LINGO2: variants seen among roughly 807,000 people sequenced by gnomAD.
LINGO2 encodes the protein leucine rich repeat and Ig domain containing 2, also known as leucine-rich repeat and immunoglobulin-like domain-containing nogo receptor-interacting protein 2.
Under a neutral mutation model 30.6 loss-of-function variants are expected in LINGO2, and 14 were observed. The observed-to-expected ratio is 0.46, with a 90% CI of 0.30 to 0.72. The LOEUF (loss-of-function observed/expected upper bound fraction) is 0.72. Among genes scored for constraint, LINGO2 ranks in the 30% least tolerant of loss-of-function variants. The probability of loss-of-function intolerance (pLI) is 0.07; values close to 1 mark genes in which losing one functional copy is unlikely to be tolerated. For missense variants in LINGO2, 729 were observed against 751.7 expected (o/e 0.97, Z 0.35); for synonymous variants, 317 against 288.5 (o/e 1.10, Z -1.00).
chr9:28,313,413 T>C (rs999915559), intron 3 of LINGO2, among the ~76,000 whole-genome samples: 1 of 152,200 alleles, frequency 6.6e-6, no homozygotes, highest in African/African-American at 2.4e-5. Flanking sequence ...AAGGACAGTA[T>C]ATAATATTTT....
At chr9:28,544,886 CG>C (rs1273706023) in intron 1 of LINGO2, among the ~76,000 whole-genome samples, 1 of 151,032 alleles carries the variant, frequency 6.6e-6, no homozygotes, top group Non-Finnish European at 1.5e-5. Flanking sequence ...GGAACTTAAA[CG>C]GTCATCTAAT....
At chr9:28,319,036 T>A (rs1255858577) in intron 3 of LINGO2, among the ~76,000 whole-genome samples, 1 of 152,138 alleles carries the variant, frequency 6.6e-6, no homozygotes, top group Non-Finnish European at 1.5e-5. Context: ...AGTTAATAGT[T>A]TAAAACTCTT....
intron 3 of LINGO2, among the ~76,000 whole-genome samples, chr9:28,306,477 G>C (rs1313210786): frequency 1.3e-5 from 2 of 152,036 alleles, no homozygotes; most frequent in Non-Finnish European, 2.9e-5. Context: ...GAGAAAGCAG[G>C]AAAGATCCAA....
chr9:28,530,557 A>C (rs1204274053), intron 1 of LINGO2, among the ~76,000 whole-genome samples: 1 of 152,180 alleles, frequency 6.6e-6, no homozygotes, highest in Non-Finnish European at 1.5e-5. Flanking sequence ...TTCAAAGTGC[A>C]CATCCAAGAA....
At chr9:28,668,602 G>A (rs967087862) in intron 1 of LINGO2, among the ~76,000 whole-genome samples, 1 of 151,508 alleles carries the variant, frequency 6.6e-6, no homozygotes, top group African/African-American at 2.4e-5. Flanking sequence ...AACAACTAGT[G>A]TCCATTGGGT....
chr9:27,989,629 T>G (rs1821297215), intron 5 of LINGO2, among the ~76,000 whole-genome samples: 1 of 151,940 alleles, frequency 6.6e-6, no homozygotes, highest in South Asian at 2.1e-4. Context: ...GAAACTGCAT[T>G]ATGATTATGC....
At chr9:28,330,010 T>C (rs1825364280) in intron 3 of LINGO2, among the ~76,000 whole-genome samples, 1 of 152,174 alleles carries the variant, frequency 6.6e-6, no homozygotes, top group Admixed American at 6.6e-5. Context: ...ATTGAAGCCA[T>C]AACCCCCAAT....
chr9:28,636,028 A>C lies in LINGO2; in HGVS notation c.-365+34172T>G, dbSNP rs564438153. On this transcript the variant is annotated intron_variant, in intron 1 of 5. Transcript: ENST00000379992. ...TGTGATGTTCCCCTTCCTGTGTCCA[A>C]GTGTTCTCATTGTTCACTTCCCACC... 1.5e-3 allele frequency among the ~76,000 whole-genome samples: 225 copies of C among 152,032 alleles called. 1 individual carries two copies. The highest frequency in any genetic ancestry group is 5.0e-3 in the African/African-American group (207 of 41,474).
chr9:29,206,687 G>A, the LINGO2 span, among the ~76,000 whole-genome samples: 1 of 152,058 alleles, frequency 6.6e-6, no homozygotes, highest in Non-Finnish European at 1.5e-5. Context: ...AGAATATCCT[G>A]AATGAGGTGA....
At chr9:28,237,337 A>T (rs962314411) in intron 4 of LINGO2, among the ~76,000 whole-genome samples, 1 of 152,104 alleles carries the variant, frequency 6.6e-6, no homozygotes, top group Non-Finnish European at 1.5e-5. Flanking sequence ...ACCAGAGAAA[A>T]ATCACATTTA....
chr9:28,910,649 T>C, the LINGO2 span, among the ~76,000 whole-genome samples: 2 of 152,078 alleles, frequency 1.3e-5, no homozygotes, highest in African/African-American at 4.8e-5. Context: ...GCCAGCCATG[T>C]GAAGATGTGC....
the LINGO2 span, among the ~76,000 whole-genome samples, chr9:28,790,332 T>C: frequency 1.7e-5 from 2 of 120,184 alleles, no homozygotes; most frequent in African/African-American, 3.5e-5. Flanking sequence ...TTTCTTTTTT[T>C]TTTTTTTTTT....
the LINGO2 span, among the ~76,000 whole-genome samples, chr9:28,848,754 G>A: frequency 3.3e-5 from 5 of 151,692 alleles, no homozygotes; most frequent in African/African-American, 1.2e-4. Flanking sequence ...TGGGCATGTG[G>A]AAAACATTTT....
intron 1 of LINGO2, among the ~76,000 whole-genome samples, chr9:28,506,505 C>CATATATATATATATATAT (rs773033942): frequency 5.9e-5 from 5 of 84,410 alleles, no homozygotes; most frequent in African/African-American, 2.2e-4. Context: ...CACACACAGA[C>CATATATATATATATATAT]ATATATATAT....
chr9:29,188,721 T>C, the LINGO2 span, among the ~76,000 whole-genome samples: 3 of 120,100 alleles, frequency 2.5e-5, no homozygotes, highest in Non-Finnish European at 5.0e-5. Flanking sequence ...CCCACCTCCC[T>C]CTCGGATGGG....
At chr9:28,287,592 C>T (rs910603903) in intron 4 of LINGO2, among the ~76,000 whole-genome samples, 4 of 152,162 alleles carry the variant, frequency 2.6e-5, no homozygotes, top group South Asian at 2.1e-4. Flanking sequence ...GCCTGCAGTG[C>T]ATGCCGTGTT....
the LINGO2 span, among the ~76,000 whole-genome samples, chr9:28,931,908 G>T: frequency 6.6e-6 from 1 of 151,426 alleles, no homozygotes; most frequent in Admixed American, 6.6e-5. Context: ...AGGAGTTCGA[G>T]ATCAGCCTGG....
intron 1 of LINGO2, among the ~76,000 whole-genome samples, chr9:28,546,907 C>T (rs962666775): frequency 1.4e-4 from 21 of 151,950 alleles, no homozygotes; most frequent in African/African-American, 3.9e-4. Flanking sequence ...TCTCTGTGAC[C>T]GAACTCTCAA....
intron 1 of LINGO2, among the ~76,000 whole-genome samples, chr9:28,596,283 T>C (rs555161397): frequency 5.3e-5 from 8 of 152,232 alleles, no homozygotes; most frequent in African/African-American, 1.7e-4. Context: ...GGCCACAGGG[T>C]TCCAGTTATC....
Sources: gnomAD v4.1 joint callset for allele counts (sites outside exome capture counted in the v4.1 genomes callset) on GRCh38, gnomAD v4.1.1 for gene constraint, MANE v1.5 for transcripts, NCBI Gene and HGNC (gene_info 2026-07-23, HGNC 2026-07-21) for gene names.